EPS8: variants seen among roughly 807,000 people sequenced by gnomAD.
The protein encoded by EPS8 is EGFR pathway substrate 8, signaling adaptor, also known as epidermal growth factor receptor kinase substrate 8.
In EPS8, 42 loss-of-function variants were observed where a neutral mutation model predicts 103.8. The ratio of observed to expected loss-of-function variants is 0.40; its 90% CI spans 0.32 to 0.52. EPS8 has a LOEUF of 0.52. Ranked by LOEUF, EPS8 falls within the 20% of genes least tolerant of loss-of-function variation. The pLI is 0.40. For synonymous variants in EPS8, 344 were observed against 344.6 expected (o/e 1.00, Z 0.02); for missense variants, 969 against 1,005.1 (o/e 0.96, Z 0.49).
intron 18 of EPS8, among the ~76,000 whole-genome samples, chr12:15,627,162 T>C (rs7312419): frequency 0.19 from 29,371 of 152,052 alleles, 7,911 homozygotes; most frequent in African/African-American, 0.61. Context: ...ACCATGCCCA[T>C]GCCCAACTAA....
At chr12:15,644,689 C>T (rs1434611019) in intron 15 of EPS8, among the ~76,000 whole-genome samples, 1 of 105,858 alleles carries the variant, frequency 9.4e-6, no homozygotes, top group Non-Finnish European at 1.9e-5. Context: ...CAGAGCAAGA[C>T]TCTGTCTCAA....
At chr12:15,766,614 G>A (rs904302839) in intron 1 of EPS8, among the ~76,000 whole-genome samples, 9 of 151,512 alleles carry the variant, frequency 5.9e-5, no homozygotes, top group Non-Finnish European at 1.3e-4. Flanking sequence ...GGAGGCAGAG[G>A]TTGCAGTGAG....
intron 1 of EPS8, among the ~76,000 whole-genome samples, chr12:15,709,945 G>A (rs146070368): frequency 1.1e-4 from 16 of 152,308 alleles, no homozygotes; most frequent in Non-Finnish European, 1.6e-4. Flanking sequence ...AATGGGGTTC[G>A]ACTCCTATGA....
chr12:15,750,272 A>C (rs1946918004), intron 1 of EPS8, among the ~76,000 whole-genome samples: 2 of 152,210 alleles, frequency 1.3e-5, no homozygotes, highest in African/African-American at 4.8e-5. Flanking sequence ...ACATACATGC[A>C]CATGCACACA....
intron 14 of EPS8, among the ~76,000 whole-genome samples, chr12:15,649,521 G>A (rs1446937544): frequency 6.6e-6 from 1 of 152,062 alleles, no homozygotes; most frequent in Admixed American, 6.6e-5. Flanking sequence ...ACAGGCAGGG[G>A]TATATGCTTG....
intron 1 of EPS8, among the ~76,000 whole-genome samples, chr12:15,775,163 G>A (rs960007391): frequency 2.0e-5 from 3 of 152,020 alleles, no homozygotes; most frequent in Non-Finnish European, 4.4e-5. Context: ...CAATTCATAT[G>A]GCAGTCTTAA....
At chr12:15,681,165 A>C (rs1945998279) in intron 3 of EPS8, 61 bp downstream of exon 3, 3 of 838,062 alleles carry the variant, frequency 3.6e-6, no homozygotes, top group Non-Finnish European at 5.8e-6. Flanking sequence ...TGAGTTTGAA[A>C]ATGTAATTTG....
rs1015103983 is a variant in EPS8, at chr12:15,764,275, C to T, written c.-22+24886G>A. The stretch of plus-strand genomic sequence containing the variant: ...CCCCCATGATTCAGTTACCTCCCAC[C>T]GGGTCCCTCTCATGACACATGGGAA... On this transcript the variant is annotated intron_variant, in intron 1 of 20. Transcript: ENST00000281172. This position sits in a 1 kb window ranked among gnomAD's most constrained non-coding sequence, Gnocchi z 4.1. Among the ~76,000 whole-genome samples, 1 of 152,130 alleles carries T rather than the reference C, an allele frequency of 6.6e-6. No homozygotes were observed. The highest frequency in any genetic ancestry group is 1.5e-5 in the Non-Finnish European group (1 of 68,024).
At chr12:15,674,499 G>A (rs1945869581) in intron 3 of EPS8, among the ~76,000 whole-genome samples, 1 of 152,302 alleles carries the variant, frequency 6.6e-6, no homozygotes, top group South Asian at 2.1e-4. Flanking sequence ...AGCACTGAGT[G>A]ATAATTACAA....
In EPS8 at chr12:15,669,513, T is replaced by C; in HGVS notation, c.390A>G (p.Leu130=). ...CAGCTTGGCAGTGCTGGATTGTGTT[T>C]AAAGGAAAATTCTCCAGTTCATTCT... The part of the protein sequence containing the change: ...ESKNELENFP[L]NTIQHCQAVM... The change falls in exon 6 of 21, where the codon TTA becomes TTG. Residue 130 remains leucine (L), a synonymous_variant. Transcript: ENST00000281172. 6.2e-7 allele frequency: 1 copy of C among 1,604,106 alleles called. No individual in the cohort carries two copies. Among genetic ancestry groups the C allele is most frequent in the Non-Finnish European group, 8.5e-7 (1 of 1,176,176 alleles).
At chr12:15,703,445 G>A (rs1406424729) in intron 1 of EPS8, among the ~76,000 whole-genome samples, 1 of 152,160 alleles carries the variant, frequency 6.6e-6, no homozygotes, top group African/African-American at 2.4e-5. Context: ...AGACAGTGAG[G>A]AGTGCACCAG....
At chr12:15,715,211 C>T (rs1442321646) in intron 1 of EPS8, among the ~76,000 whole-genome samples, 1 of 152,038 alleles carries the variant, frequency 6.6e-6, no homozygotes, top group African/African-American at 2.4e-5. Flanking sequence ...CCTTGGTCCC[C>T]TTTCTCCAAC....
rs1055731882 is a variant in EPS8, at chr12:15,765,310, C to T, written c.-22+23851G>A. 3.9e-5 allele frequency among the ~76,000 whole-genome samples: 6 copies of T among 152,146 alleles called. 1 individual carries two copies. Among genetic ancestry groups the T allele is most frequent in the Admixed American group, 3.3e-4 (5 of 15,262 alleles). On this transcript the variant is annotated intron_variant, in intron 1 of 20. Coordinates refer to ENST00000281172, the MANE Select transcript of EPS8 (RefSeq NM_004447.6). Reference sequence around the variant, plus strand: ...AACTGTAGACTACAAGTAAAAGTCTCATGTATAAATACTACCAAGGGTCAT... The same window carrying T: ...AACTGTAGACTACAAGTAAAAGTCTTATGTATAAATACTACCAAGGGTCAT...
intron 1 of EPS8, among the ~76,000 whole-genome samples, chr12:15,699,629 C>T (rs1428698644): frequency 6.6e-6 from 1 of 152,162 alleles, no homozygotes; most frequent in Non-Finnish European, 1.5e-5. Flanking sequence ...GTCACACATA[C>T]AACTTTAGTG....
intron 17 of EPS8, among the ~76,000 whole-genome samples, chr12:15,638,139 A>G (rs1201872644): frequency 6.6e-6 from 1 of 152,060 alleles, no homozygotes; most frequent in East Asian, 1.9e-4. Flanking sequence ...TGTTGTAGAG[A>G]TATAAAACAG....
intron 1 of EPS8, among the ~76,000 whole-genome samples, chr12:15,741,122 A>G (rs1005116874): frequency 6.6e-6 from 1 of 152,242 alleles, no homozygotes; most frequent in Non-Finnish European, 1.5e-5. Flanking sequence ...GGCAGCCAGT[A>G]CAGCTGCATA....
chr12:15,686,710 AAT>A (rs1406395472), intron 1 of EPS8, among the ~76,000 whole-genome samples: 4 of 152,182 alleles, frequency 2.6e-5, no homozygotes, highest in African/African-American at 9.6e-5. Flanking sequence ...AAGATCCTCA[AAT>A]ATAAGTTTTA....
chr12:15,665,627 G>T, intron 8 of EPS8, 129 bp downstream of exon 8: 1 of 1,138,526 alleles, frequency 8.8e-7, no homozygotes, highest in Non-Finnish European at 1.3e-6. Flanking sequence ...CACTGCGCCC[G>T]GCCAGAGTTG....
intron 9 of EPS8, 134 bp from the exon 10 acceptor site, chr12:15,660,874 T>A (rs1182943977): frequency 1.7e-6 from 1 of 573,922 alleles, no homozygotes; most frequent in Non-Finnish European, 3.0e-6. Flanking sequence ...TTATTACTAA[T>A]TACAAGAATC....
Sources: gnomAD v4.1 joint callset for allele counts (sites outside exome capture counted in the v4.1 genomes callset) on GRCh38, gnomAD v4.1.1 for gene constraint, Gnocchi (gnomAD v3.1) non-coding constraint, MANE v1.5 for transcripts, NCBI Gene and HGNC (gene_info 2026-07-23, HGNC 2026-07-21) for gene names.